EXO1: variants seen among roughly 807,000 people sequenced by gnomAD.
EXO1 encodes the protein exonuclease 1.
In EXO1, 69 loss-of-function variants were observed where a neutral mutation model predicts 84.5. The observed-to-expected ratio is 0.82, with a 90% CI of 0.67 to 1.00. EXO1 has a LOEUF of 1.00. Among genes scored for constraint, EXO1 ranks in the 50% least tolerant of loss-of-function variants. The pLI is 0.00. For missense variants in EXO1, 1,045 were observed against 1,000.7 expected (o/e 1.04, Z -0.60); for synonymous variants, 373 against 366.1 (o/e 1.02, Z -0.21).
At chr1:241,868,240 G>A (rs1306040794) in intron 11 of EXO1, among the ~76,000 whole-genome samples, 1 of 152,096 alleles carries the variant, frequency 6.6e-6, no homozygotes, top group Non-Finnish European at 1.5e-5. Flanking sequence ...GCCAGGCATG[G>A]TGGCACACAT....
intron 11 of EXO1, among the ~76,000 whole-genome samples, chr1:241,869,219 G>A (rs1396636195): frequency 6.6e-6 from 1 of 152,204 alleles, no homozygotes; most frequent in Non-Finnish European, 1.5e-5. Context: ...GGTAAGGAGA[G>A]CAATGGTGCA....
intron 6 of EXO1, 76 bp downstream of exon 6, chr1:241,853,557 C>A: frequency 6.5e-7 from 1 of 1,546,546 alleles, no homozygotes; most frequent in Non-Finnish European, 8.9e-7. Flanking sequence ...GGAAGAAAAT[C>A]AAGGGTGGAA....
chr1:241,886,597 G>A (rs974745914), intron 15 of EXO1, among the ~76,000 whole-genome samples: 1 of 152,026 alleles, frequency 6.6e-6, no homozygotes, highest in South Asian at 2.1e-4. Flanking sequence ...TATGACAGCA[G>A]TTTTCAAACT....
chr1:241,866,119 T>C (rs1406582659), intron 10 of EXO1, among the ~76,000 whole-genome samples: 1 of 152,218 alleles, frequency 6.6e-6, no homozygotes, highest in Non-Finnish European at 1.5e-5. Flanking sequence ...GAATAACTTA[T>C]ATTAGCATTA....
rs1360849466 is a variant in EXO1, at chr1:241,848,873, T to C, written c.-277T>C. ...CTCTGAGATATGTACACAGTCATTC[T>C]TACTATCGCACTCAGCCATTCTTAC... On this transcript the variant is annotated 5_prime_UTR_variant, in exon 2 of 16. Transcript: ENST00000366548. This position sits in a 1 kb window ranked among gnomAD's most constrained non-coding sequence, Gnocchi z 4.2. 1 of 152,232 alleles carries C rather than the reference T, an allele frequency of 6.6e-6. No individual in the cohort carries two copies. Among genetic ancestry groups the C allele is most frequent in the Non-Finnish European group, 1.5e-5 (1 of 68,044 alleles). The allele number at this position is 152,232 out of a possible 1,614,324, so 9.4% of individuals were successfully genotyped here.
At chr1:241,870,484 T>A (rs1662025577) in intron 11 of EXO1, among the ~76,000 whole-genome samples, 1 of 152,234 alleles carries the variant, frequency 6.6e-6, no homozygotes. Flanking sequence ...AAATGTGATC[T>A]GCTTACCACA....
Position 241,849,018 on chromosome 1 carries a change from C to T in EXO1, c.-132C>T, listed in dbSNP as rs1440935168. Reference sequence around the variant, plus strand: ...GTGAGAGAAAACTCTTTTTAGATATCATCTGAGAGGTAAGAGACTGTTTTT... The same window carrying T: ...GTGAGAGAAAACTCTTTTTAGATATTATCTGAGAGGTAAGAGACTGTTTTT... On this transcript the variant is annotated 5_prime_UTR_variant, in exon 2 of 16. Transcript: ENST00000366548. 1.3e-5 allele frequency: 2 copies of T among 152,208 alleles called. No individual in the cohort carries two copies. The highest frequency in any genetic ancestry group is 2.9e-5 in the Non-Finnish European group (2 of 68,048). 9.4% of individuals were successfully genotyped at this position (152,208 alleles called of 1,614,324 possible). A position where few individuals can be genotyped will look rare whatever the true frequency, so the allele number is the denominator to read the frequency against.
At position 241,889,516 on chromosome 1, in the gene EXO1, T is replaced by G. The variant is rs1663263059; in HGVS notation, c.2457T>G (p.Asp819Glu). The G allele has an allele frequency of 5.0e-6, 8 of 1,613,732 alleles. No individual in the cohort carries two copies. Among genetic ancestry groups the G allele is most frequent in the Non-Finnish European group, 5.1e-6 (6 of 1,179,610 alleles). Residue 819 changes from aspartate to glutamate, a missense_variant, in exon 16 of 16, where the codon GAT (aspartate) becomes GAG (glutamate). Asp to Glu is a conservative substitution (Grantham distance 45). Transcript: ENST00000366548. ...AGAAACCCCTGTCCCCAGTCAGAGATAACATCCAACTAACTCCAGAAGCGG... is the reference window on the plus strand; with the variant it reads ...AGAAACCCCTGTCCCCAGTCAGAGAGAACATCCAACTAACTCCAGAAGCGG... ...PCKKPLSPVR[D>E]NIQLTPEAEE...
Position 241,872,138 on chromosome 1 carries a change from G to C in EXO1, c.1374G>C (p.Val458=), listed in dbSNP as rs142814665. Residue 458 remains valine, a synonymous_variant, in exon 12 of 16, where the codon GTG becomes GTC. Transcript: ENST00000366548. ...ATAAATCATTGAGCTTTTCTGAAGTGTTTGTGCCTGACCTGGTAAATGGAC... is the reference window on the plus strand; with the variant it reads ...ATAAATCATTGAGCTTTTCTGAAGTCTTTGTGCCTGACCTGGTAAATGGAC... ...EGNKSLSFSE[V]FVPDLVNGPT... 3 of 1,613,892 alleles carry C rather than the reference G, an allele frequency of 1.9e-6. No homozygotes were observed. In the African/African-American group the frequency reaches 4.0e-5, roughly 22 times the overall value.
Position 241,857,399 on chromosome 1 carries a change from C to A in EXO1, c.460C>A (p.Gln154Lys). The A allele has an allele frequency of 6.2e-7, 1 of 1,613,912 alleles. No homozygotes were observed. ...CGTGGCTCCCTATGAAGCTGATGCG[C>A]AGTTGGCCTATCTTAACAAAGCGGG... ...CLVAPYEADA[Q>K]LAYLNKAGIV... is the part of the protein sequence containing the mutation. Residue 154 changes from glutamine (Q) to lysine (K), a missense_variant, in exon 7 of 16, where the codon CAG becomes AAG. Coordinates refer to ENST00000366548, the MANE Select transcript of EXO1 (RefSeq NM_130398.4).
chr1:241,885,979 G>A (rs928842611), intron 15 of EXO1, among the ~76,000 whole-genome samples: 5 of 151,576 alleles, frequency 3.3e-5, no homozygotes, highest in East Asian at 1.9e-4. Flanking sequence ...TCAGCCTCCC[G>A]AGTAGCTGGG....
chr1:241,884,687 G>GT (rs1181863306), intron 14 of EXO1, among the ~76,000 whole-genome samples: 1 of 151,280 alleles, frequency 6.6e-6, no homozygotes, highest in Non-Finnish European at 1.5e-5. Flanking sequence ...GCACGTGCAC[G>GT]TAAGTCAGTG....
intron 12 of EXO1, among the ~76,000 whole-genome samples, chr1:241,875,739 G>C (rs1776143): frequency 2.6e-5 from 4 of 152,172 alleles, no homozygotes; most frequent in Non-Finnish European, 4.4e-5. Context: ...TTAGCCGGGC[G>C]TGGTGGCGGG....
intron 4 of EXO1, among the ~76,000 whole-genome samples, chr1:241,851,070 T>C (rs1660643636): frequency 6.6e-6 from 1 of 152,122 alleles, no homozygotes; most frequent in East Asian, 1.9e-4. Context: ...CCTCAAGTGA[T>C]CCGCCTGCTT....
intron 14 of EXO1, among the ~76,000 whole-genome samples, chr1:241,883,372 C>T (rs1389266668): frequency 2.0e-5 from 3 of 152,152 alleles, no homozygotes; most frequent in Non-Finnish European, 4.4e-5. Flanking sequence ...GAGCCCACTT[C>T]CTGGTTTGCA....
Position 241,885,338 on chromosome 1 carries a change from T to A in EXO1, c.2236T>A (p.Ser746Thr). The change falls in exon 15 of 16, where the codon TCT becomes ACT. Residue 746 changes from serine (S) to threonine (T), a missense_variant. Physicochemically the swap from Ser to Thr is moderately conservative, Grantham distance 58. Transcript: ENST00000366548. The part of the protein sequence containing the change: ...NKVPGLYKSS[S>T]ADSLSTTKIK... ...GGTTCCTGGGCTATATAAGTCCAGT[T>A]CTGCAGACTCTCTTTCTACAACCAA... 1.2e-6 allele frequency: 2 copies of A among 1,613,936 alleles called. No homozygotes were observed. The highest frequency in any genetic ancestry group is 1.7e-6 in the Non-Finnish European group (2 of 1,179,918).
rs4149995 is a variant in EXO1 at position 241,884,930 on chromosome 1, G to A, written c.2212-384G>A. Among the ~76,000 whole-genome samples, 132 of 152,284 alleles carry A rather than the reference G, an allele frequency of 8.7e-4. 3 individuals carry two copies. Among genetic ancestry groups the A allele is most frequent in the South Asian group, 1.5e-3 (7 of 4,824 alleles). ...CTTATGTATAAAGAATAGTTTGGCC[G>A]TGTGTGGTGGCTCATGCCTGTAATC... On this transcript the variant is annotated intron_variant, in intron 14 of 15. Transcript: ENST00000366548.
chr1:241,856,038 T>C lies in EXO1; in HGVS notation c.406-1307T>C, dbSNP rs555492383. Among the ~76,000 whole-genome samples the C allele has an allele frequency of 2.7e-4, 41 of 152,230 alleles. 1 individual carries two copies. The South Asian group carries it at 4.1e-3, about 15-fold the overall frequency. The stretch of plus-strand genomic sequence containing the variant: ...GAAAGGGGCTCCCACAGAGCAGCGG[T>C]GGGCTGAAGGGCTCAAGTGCCGCCA... On this transcript the variant is annotated intron_variant, in intron 6 of 15. Coordinates refer to ENST00000366548, the MANE Select transcript of EXO1 (RefSeq NM_130398.4).
chr1:241,858,263 A>T (rs942763792), intron 7 of EXO1, among the ~76,000 whole-genome samples: 7 of 152,240 alleles, frequency 4.6e-5, no homozygotes, highest in African/African-American at 1.7e-4. Flanking sequence ...GAGATGCAAA[A>T]AGAGCTTGCT....
Sources: gnomAD v4.1 joint callset for allele counts (sites outside exome capture counted in the v4.1 genomes callset) on GRCh38, gnomAD v4.1.1 for gene constraint, Gnocchi (gnomAD v3.1) non-coding constraint, MANE v1.5 for transcripts, NCBI Gene and HGNC (gene_info 2026-07-23, HGNC 2026-07-21) for gene names.